The following AGO2 variants were observed in gnomAD, a reference collection of about 807,000 sequenced individuals.
The protein encoded by AGO2 is argonaute RISC catalytic component 2, also known as protein argonaute-2.
In AGO2, 5 loss-of-function variants were observed where a neutral mutation model predicts 102.3. That is an observed-to-expected ratio of 0.05 (90% CI 0.03 to 0.10). The LOEUF is 0.10. Among genes scored for constraint, AGO2 ranks in the 10% least tolerant of loss-of-function variants. AGO2 has a pLI of 1.00. For missense variants in AGO2, 541 were observed against 1,183.7 expected, an observed-to-expected ratio of 0.46 and a Z score of 7.97; for synonymous variants, 449 against 473.1, an observed-to-expected ratio of 0.95 and a Z score of 0.66.
the AGO2 span, among the ~76,000 whole-genome samples, chr8:140,640,765 C>T: frequency 7.3e-5 from 11 of 151,676 alleles, no homozygotes; most frequent in East Asian, 7.9e-4. Context: ...GTGATCCGCC[C>T]GCCTTGGCCT....
rs1374429026 is a variant in AGO2 at position 140,596,272 on chromosome 8, A to G, written c.23-10961T>C. Among the ~76,000 whole-genome samples the G allele has an allele frequency of 8.5e-5, 13 of 152,264 alleles. No homozygotes were observed. In the South Asian group the frequency reaches 1.9e-3, roughly 22 times the overall value. Reference sequence around the variant, plus strand: ...ATACATCATTCTATTTTTCTCTGATATATCCCTAAGTTAAAGAAAACAGAA... The same window carrying G: ...ATACATCATTCTATTTTTCTCTGATGTATCCCTAAGTTAAAGAAAACAGAA... On this transcript the variant is annotated intron_variant, in intron 1 of 18. Transcript: ENST00000220592.
chr8:140,572,734 G>A lies in AGO2; in HGVS notation c.336+78C>T. ...TGAAATAGTTTCGTGTATGAGAACAGGCATGACAGACTTTACAACATGTGT... is the reference window on the plus strand; with the variant it reads ...TGAAATAGTTTCGTGTATGAGAACAAGCATGACAGACTTTACAACATGTGT... On this transcript the variant is annotated intron_variant, in intron 3 of 18. Transcript: ENST00000220592. The A allele has an allele frequency of 3.9e-6, 6 of 1,549,252 alleles. No individual in the cohort carries two copies. The Admixed American group carries it at 9.6e-5, about 25-fold the overall frequency.
intron 13 of AGO2, among the ~76,000 whole-genome samples, chr8:140,546,207 C>A (rs1357602182): frequency 6.6e-6 from 1 of 152,236 alleles, no homozygotes; most frequent in African/African-American, 2.4e-5. Context: ...ACCCCACGCT[C>A]ACAGCCGTTC....
At chr8:140,572,757 T>C in intron 3 of AGO2, 55 bp downstream of exon 3, 1 of 1,584,382 alleles carries the variant, frequency 6.3e-7, no homozygotes, top group East Asian at 2.3e-5. Flanking sequence ...TTACAACATG[T>C]GTGAGCTTTA....
chr8:140,581,519 T>TAA (rs1026243050), intron 2 of AGO2, among the ~76,000 whole-genome samples: 1 of 144,378 alleles, frequency 6.9e-6, no homozygotes, highest in South Asian at 2.2e-4. Flanking sequence ...ATCCTGTCTC[T>TAA]AAAAAAAAAA....
At chr8:140,585,991 G>T (rs1281749361) in intron 1 of AGO2, among the ~76,000 whole-genome samples, 1 of 152,082 alleles carries the variant, frequency 6.6e-6, no homozygotes, top group Non-Finnish European at 1.5e-5. Flanking sequence ...TTGTTTGTTT[G>T]TTTCCTATGA....
chr8:140,591,214 C>T (rs1447347186), intron 1 of AGO2, among the ~76,000 whole-genome samples: 1 of 152,214 alleles, frequency 6.6e-6, no homozygotes, highest in Non-Finnish European at 1.5e-5. Flanking sequence ...TTCTGTTCTC[C>T]CTGAGTAGAA....
intron 2 of AGO2, among the ~76,000 whole-genome samples, chr8:140,577,174 C>T (rs9694335): frequency 0.029 from 4,150 of 142,688 alleles, 182 homozygotes; most frequent in African/African-American, 0.1. Context: ...CATCACTGCA[C>T]TCCAGCCTGG....
intron 1 of AGO2, among the ~76,000 whole-genome samples, chr8:140,588,864 G>A (rs1414815995): frequency 2.6e-5 from 4 of 152,200 alleles, no homozygotes; most frequent in South Asian, 2.1e-4. Flanking sequence ...CCAGCGCAGC[G>A]TCATGTACAC....
intron 5 of AGO2, 43 bp downstream of exon 5, chr8:140,560,331 G>A (rs371171570): frequency 6.3e-7 from 1 of 1,597,274 alleles, no homozygotes; most frequent in African/African-American, 1.3e-5. Flanking sequence ...CCCAGCCCAT[G>A]CCCAACCCTG....
At chr8:140,628,177 G>A (rs759194465) in intron 1 of AGO2, among the ~76,000 whole-genome samples, 29 of 152,332 alleles carry the variant, frequency 1.9e-4, no homozygotes, top group African/African-American at 5.5e-4. Context: ...CGGCCGCAGC[G>A]CCCACTGACT....
At chr8:140,578,554 G>A (rs1020749770) in intron 2 of AGO2, among the ~76,000 whole-genome samples, 10 of 152,248 alleles carry the variant, frequency 6.6e-5, no homozygotes, top group African/African-American at 2.2e-4. Context: ...AAGCGTCCCT[G>A]CTTCTGCAGA....
At position 140,521,905 on chromosome 8, in the gene AGO2, C is replaced by T. The variant is rs1238246145; in HGVS notation, c.*10139G>A. On this transcript the variant is annotated 3_prime_UTR_variant, in exon 19 of 19. Coordinates refer to ENST00000220592, the MANE Select transcript of AGO2 (RefSeq NM_012154.5). ...ACTTGGGATTTTTTTTCTGGCCACC[C>T]CTTCACTGGCACAGAAAATGAAGTG... 3 of 152,198 alleles carry T rather than the reference C, an allele frequency of 2.0e-5. No homozygotes were observed. The highest frequency in any genetic ancestry group is 7.2e-5 in the African/African-American group (3 of 41,448). 9.4% of individuals were successfully genotyped at this position (152,198 alleles called of 1,614,324 possible).
At chr8:140,547,765 C>T (rs1329307245) in intron 12 of AGO2, 138 bp from the exon 13 acceptor site, 1 of 1,258,386 alleles carries the variant, frequency 7.9e-7, no homozygotes, top group East Asian at 2.7e-5. Context: ...TTGCGTGTCC[C>T]CCTCTGTCCG....
rs957010377 is a variant in AGO2, at chr8:140,531,778, C to T, written c.*266G>A. The T allele has an allele frequency of 6.0e-6, 2 of 333,732 alleles. No individual in the cohort carries two copies. Among genetic ancestry groups the T allele is most frequent in the Non-Finnish European group, 1.1e-5 (2 of 178,278 alleles). 20.7% of individuals were successfully genotyped at this position (333,732 alleles called of 1,614,324 possible). On this transcript the variant is annotated 3_prime_UTR_variant, in exon 19 of 19. Coordinates refer to ENST00000220592, the MANE Select transcript of AGO2 (RefSeq NM_012154.5). ...GACTGGTTTTAGGAGATTTTTAGGA[C>T]ACACGGGACTCTGTTTTAATAAGCA...
chr8:140,562,756 CA>C, intron 3 of AGO2, 122 bp from the exon 4 acceptor site: 1 of 1,094,122 alleles, frequency 9.1e-7, no homozygotes, highest in Non-Finnish European at 1.3e-6. Flanking sequence ...GGCCTCTAGC[CA>C]ACCACTAGCC....
intron 2 of AGO2, among the ~76,000 whole-genome samples, chr8:140,575,504 G>A (rs1173584317): frequency 6.6e-6 from 1 of 152,196 alleles, no homozygotes; most frequent in Non-Finnish European, 1.5e-5. Context: ...TCAACTTGAG[G>A]TGCAGATGGC....
chr8:140,569,327 G>A (rs964878108), intron 3 of AGO2, among the ~76,000 whole-genome samples: 20 of 152,206 alleles, frequency 1.3e-4, no homozygotes, highest in South Asian at 6.2e-4. Flanking sequence ...AGGAGACACC[G>A]GTGCTGTCCA....
chr8:140,620,489 G>A (rs771644705), intron 1 of AGO2, among the ~76,000 whole-genome samples: 14 of 152,238 alleles, frequency 9.2e-5, no homozygotes, highest in Non-Finnish European at 1.5e-4. Flanking sequence ...GACAGGATGA[G>A]TGATGGCCAC....
Sources: gnomAD v4.1 joint callset for allele counts (sites outside exome capture counted in the v4.1 genomes callset) on GRCh38, gnomAD v4.1.1 for gene constraint, MANE v1.5 for transcripts, NCBI Gene and HGNC (gene_info 2026-07-23, HGNC 2026-07-21) for gene names.